SLC24A3: variants seen among roughly 807,000 people sequenced by gnomAD.
The protein encoded by SLC24A3 is solute carrier family 24 member 3.
A neutral mutation model predicts 75.8 loss-of-function variants in SLC24A3; 28 were observed. The observed-to-expected ratio is 0.37, with a 90% CI of 0.27 to 0.51. The LOEUF (loss-of-function observed/expected upper bound fraction) is 0.51, where lower values mean the gene tolerates loss of function less well. Among genes scored for constraint, SLC24A3 ranks in the 20% least tolerant of loss-of-function variants. The pLI, the probability that SLC24A3 is intolerant of heterozygous loss-of-function variation, is 0.94. For synonymous variants in SLC24A3, 372 were observed against 334.1 expected, an observed-to-expected ratio of 1.11 and a Z score of -1.24; for missense variants, 663 against 847.8, an observed-to-expected ratio of 0.78 and a Z score of 2.71.
intron 10 of SLC24A3, among the ~76,000 whole-genome samples, 184 bp from the exon 11 acceptor site, chr20:19,683,992 G>A (rs1448103448): frequency 6.6e-6 from 1 of 152,006 alleles, no homozygotes; most frequent in Admixed American, 6.6e-5. Flanking sequence ...AAGAATGAAT[G>A]CATGGATGGG....
At chr20:19,460,133 C>CTT (rs1987644359) in intron 2 of SLC24A3, among the ~76,000 whole-genome samples, 1 of 152,140 alleles carries the variant, frequency 6.6e-6, no homozygotes, top group African/African-American at 2.4e-5. Flanking sequence ...TCCAGCTGCT[C>CTT]TTAGGGAGGT....
At chr20:19,346,385 T>G (rs1206137822) in intron 2 of SLC24A3, among the ~76,000 whole-genome samples, 1 of 138,084 alleles carries the variant, frequency 7.2e-6, no homozygotes, top group Non-Finnish European at 1.5e-5. Flanking sequence ...ATATATATGG[T>G]ATATATATGG....
intron 9 of SLC24A3, among the ~76,000 whole-genome samples, chr20:19,677,202 G>A (rs2032534992): frequency 6.6e-6 from 1 of 151,366 alleles, no homozygotes; most frequent in Non-Finnish European, 1.5e-5. Context: ...GTGCATGCCT[G>A]TGATCCCAGC....
chr20:19,640,557 C>G (rs563711080), intron 6 of SLC24A3, among the ~76,000 whole-genome samples: 29 of 152,238 alleles, frequency 1.9e-4, no homozygotes, highest in African/African-American at 7.0e-4. Flanking sequence ...CAAGACCAGC[C>G]TGCCCAACAT....
intron 2 of SLC24A3, among the ~76,000 whole-genome samples, chr20:19,387,287 T>G (rs1051467763): frequency 4.6e-5 from 7 of 152,046 alleles, no homozygotes; most frequent in African/African-American, 1.7e-4. Flanking sequence ...AAAAACCAGC[T>G]TTTTGTTTTA....
At chr20:19,489,777 TTCA>T (rs5840847) in intron 2 of SLC24A3, among the ~76,000 whole-genome samples, 49,963 of 151,680 alleles carry the variant, frequency 0.33, 8,825 homozygotes, top group East Asian at 0.51. Context: ...CAGAAAACAG[TTCA>T]GAGCACTGAG....
At chr20:19,319,347 C>G (rs1413205861) in intron 2 of SLC24A3, among the ~76,000 whole-genome samples, 1 of 152,208 alleles carries the variant, frequency 6.6e-6, no homozygotes, top group Non-Finnish European at 1.5e-5. Flanking sequence ...ATCAGTGCCT[C>G]AGACCTATTG....
chr20:19,584,948 G>A (rs1487899529), intron 4 of SLC24A3, 23 bp from the exon 5 acceptor site: 1 of 1,604,634 alleles, frequency 6.2e-7, no homozygotes, highest in African/African-American at 1.3e-5. Context: ...ACTCACCTGT[G>A]CTTTGTCTTT....
intron 2 of SLC24A3, among the ~76,000 whole-genome samples, chr20:19,417,361 TA>T (rs981326220): frequency 4.6e-5 from 7 of 152,120 alleles, no homozygotes; most frequent in South Asian, 4.2e-4. Flanking sequence ...GATAATAACA[TA>T]AAAAAAGTCA....
intron 7 of SLC24A3, among the ~76,000 whole-genome samples, chr20:19,664,372 C>A (rs2032373606): frequency 1.3e-5 from 2 of 152,136 alleles, no homozygotes; most frequent in South Asian, 4.1e-4. Flanking sequence ...TTGACATTGT[C>A]ATCCCAATGT....
chr20:19,461,467 C>A (rs1421493939), intron 2 of SLC24A3, among the ~76,000 whole-genome samples: 1 of 151,494 alleles, frequency 6.6e-6, no homozygotes, highest in Non-Finnish European at 1.5e-5. Context: ...ATATAATATG[C>A]ATGCACTGGG....
intron 1 of SLC24A3, among the ~76,000 whole-genome samples, chr20:19,251,232 G>A (rs756644543): frequency 2.6e-5 from 4 of 152,220 alleles, no homozygotes; most frequent in Non-Finnish European, 5.9e-5. Context: ...GGCCAGTGTA[G>A]CCACTCACTG....
At chr20:19,282,809 G>C (rs1457439647) in intron 2 of SLC24A3, among the ~76,000 whole-genome samples, 1 of 152,184 alleles carries the variant, frequency 6.6e-6, no homozygotes, top group African/African-American at 2.4e-5. Flanking sequence ...TGTTTTGGGG[G>C]CAGGTGGTTG....
At chr20:19,337,754 G>C (rs1985169247) in intron 2 of SLC24A3, among the ~76,000 whole-genome samples, 2 of 152,194 alleles carry the variant, frequency 1.3e-5, no homozygotes, top group Admixed American at 1.3e-4. Context: ...TCTGGGCCAG[G>C]ATCAGCTGGT....
At chr20:19,497,569 T>TAA (rs1988311978) in intron 2 of SLC24A3, among the ~76,000 whole-genome samples, 1 of 151,906 alleles carries the variant, frequency 6.6e-6, no homozygotes, top group African/African-American at 2.4e-5. Context: ...GGTTAGGGTT[T>TAA]GCACATTTTT....
At chr20:19,624,792 T>A (rs2031847837) in intron 6 of SLC24A3, among the ~76,000 whole-genome samples, 1 of 152,228 alleles carries the variant, frequency 6.6e-6, no homozygotes, top group Admixed American at 6.5e-5. Flanking sequence ...AGGCAGTCAG[T>A]CATACAGCTC....
chr20:19,566,983 G>C (rs1476354541), intron 3 of SLC24A3, among the ~76,000 whole-genome samples: 2 of 152,176 alleles, frequency 1.3e-5, no homozygotes, highest in Non-Finnish European at 2.9e-5. Flanking sequence ...AGATAGAATG[G>C]CTATTATTAA....
At chr20:19,220,232 G>C (rs1269861175) in intron 1 of SLC24A3, among the ~76,000 whole-genome samples, 2 of 152,160 alleles carry the variant, frequency 1.3e-5, no homozygotes, top group African/African-American at 4.8e-5. Context: ...TGTCAATAGT[G>C]ATTTATTTTT....
chr20:19,307,881 A>G (rs1984368415), intron 2 of SLC24A3, among the ~76,000 whole-genome samples: 1 of 152,220 alleles, frequency 6.6e-6, no homozygotes, highest in Admixed American at 6.5e-5. Flanking sequence ...CCTTGGGACC[A>G]ACTCTGCATC....
Sources: allele counts gnomAD v4.1 joint callset (sites outside exome capture counted in the v4.1 genomes callset), GRCh38; gene constraint gnomAD v4.1.1; transcripts MANE v1.5; gene names NCBI Gene and HGNC (gene_info 2026-07-23, HGNC 2026-07-21).